Variants in LARP4 observed in about 807,000 individuals in gnomAD.
LARP4 encodes La ribonucleoprotein 4.
LARP4 carries 29 observed loss-of-function variants against 92.9 expected under a neutral mutation model. That is an observed-to-expected ratio of 0.31 (90% confidence interval 0.23 to 0.43). LARP4 has a LOEUF of 0.43. Ranked by LOEUF, LARP4 falls within the 20% of genes least tolerant of loss-of-function variation. LARP4 has a pLI of 1.00. For synonymous variants in LARP4, 279 were observed against 284.1 expected (o/e 0.98, Z 0.18); for missense variants, 732 against 860.0 (o/e 0.85, Z 1.86).
At chr12:50,432,367 G>A (rs1474184460) in intron 4 of LARP4, among the ~76,000 whole-genome samples, 2 of 152,094 alleles carry the variant, frequency 1.3e-5, no homozygotes, top group Non-Finnish European at 1.5e-5. Context: ...GCTAGGTCAG[G>A]GCTGAGCAAC....
intron 13 of LARP4, among the ~76,000 whole-genome samples, chr12:50,469,379 C>T (rs1230676835): frequency 1.3e-5 from 2 of 151,304 alleles, no homozygotes; most frequent in Non-Finnish European, 2.9e-5. Context: ...CCGAGGCAGG[C>T]AGATCACGAA....
At chr12:50,461,414 G>C in intron 11 of LARP4, 67 bp downstream of exon 11, 1 of 1,308,382 alleles carries the variant, frequency 7.6e-7, no homozygotes, top group South Asian at 1.3e-5. Context: ...TGAAGAACAT[G>C]ATCTTCATAA....
intron 3 of LARP4, 31 bp downstream of exon 3, chr12:50,429,121 G>A (rs1949248001): frequency 6.4e-7 from 1 of 1,561,562 alleles, no homozygotes; most frequent in African/African-American, 1.4e-5. Context: ...GTTAAAATGA[G>A]AATTCAGTAC....
intron 1 of LARP4, among the ~76,000 whole-genome samples, chr12:50,418,059 C>T (rs1947145015): frequency 2.0e-5 from 3 of 152,244 alleles, no homozygotes; most frequent in African/African-American, 7.2e-5. Flanking sequence ...CGGGGTTTCA[C>T]CACATTGGCC....
At chr12:50,447,680 G>T (rs1163884309) in intron 8 of LARP4, among the ~76,000 whole-genome samples, 2 of 151,944 alleles carry the variant, frequency 1.3e-5, no homozygotes, top group Non-Finnish European at 2.9e-5. Context: ...TGGGCTCAAG[G>T]GATCCTTCTG....
intron 8 of LARP4, among the ~76,000 whole-genome samples, chr12:50,445,043 G>A (rs1042798622): frequency 1.4e-5 from 2 of 139,792 alleles, no homozygotes; most frequent in Admixed American, 1.6e-4. Context: ...AACTACAGGT[G>A]CATGCCACCA....
In LARP4 at chr12:50,441,757, T is replaced by C. The variant is rs1222004106; in HGVS notation, c.804+114T>C. On this transcript the variant is annotated intron_variant, in intron 8 of 15. Transcript: ENST00000398473. The stretch of plus-strand genomic sequence containing the variant: ...AAACCCATAGTGACTTTCAAAAAGT[T>C]TCTGGCTTGGTCCAGGCGTGGTGGC... 45 of 919,476 alleles carry C rather than the reference T, an allele frequency of 4.9e-5. 1 individual carries two copies. The highest frequency in any genetic ancestry group is 7.5e-5 in the Non-Finnish European group (45 of 603,624). The allele number at this position is 919,476 out of a possible 1,614,324, so 57.0% of individuals were successfully genotyped here.
At chr12:50,449,690 T>C (rs1222206285) in intron 8 of LARP4, among the ~76,000 whole-genome samples, 4 of 152,182 alleles carry the variant, frequency 2.6e-5, no homozygotes, top group Middle Eastern at 3.2e-3. Flanking sequence ...ATTTTTCATT[T>C]ATTAGAAACT....
At chr12:50,425,704 G>C (rs995531234) in intron 1 of LARP4, among the ~76,000 whole-genome samples, 5 of 152,122 alleles carry the variant, frequency 3.3e-5, no homozygotes, top group African/African-American at 1.2e-4. Flanking sequence ...GTGGACCCCA[G>C]CTTTGCCTGC....
chr12:50,419,740 TACAAAA>T (rs1253667203), intron 1 of LARP4, among the ~76,000 whole-genome samples: 3 of 151,950 alleles, frequency 2.0e-5, no homozygotes, highest in Non-Finnish European at 4.4e-5. Flanking sequence ...ACCCCATCTC[TACAAAA>T]ACAAAAACAA....
chr12:50,458,062 A>G (rs1954647722), intron 10 of LARP4, among the ~76,000 whole-genome samples: 1 of 151,000 alleles, frequency 6.6e-6, no homozygotes, highest in Admixed American at 6.6e-5. Context: ...CCTTCCTAGT[A>G]GCTGGGACTA....
rs1395138801 is a variant in LARP4, at chr12:50,402,673, A to G, written c.18+1645A>G. 5 of 421,058 alleles carry G rather than the reference A, an allele frequency of 1.2e-5. 1 individual carries two copies. Among genetic ancestry groups the G allele is most frequent in the South Asian group, 6.8e-5 (4 of 58,428 alleles). The allele number at this position is 421,058 out of a possible 1,614,324, so 26.1% of individuals were successfully genotyped here. A position where few individuals can be genotyped will look rare whatever the true frequency, so the allele number is the denominator to read the frequency against. The stretch of plus-strand genomic sequence containing the variant: ...TAAAGCGATACTTAATATGTTTTAC[A>G]GATGACAAAACCGAGCCCCAGAGGT... On this transcript the variant is annotated intron_variant, in intron 1 of 15. Coordinates refer to ENST00000398473, the MANE Select transcript of LARP4 (RefSeq NM_052879.5).
At chr12:50,449,359 AAT>A (rs1952740274) in intron 8 of LARP4, among the ~76,000 whole-genome samples, 1 of 152,042 alleles carries the variant, frequency 6.6e-6, no homozygotes. Context: ...TGTTTCTTGG[AAT>A]ATAGATTTTG....
intron 1 of LARP4, among the ~76,000 whole-genome samples, chr12:50,408,641 G>A (rs529698866): frequency 6.6e-6 from 1 of 152,158 alleles, no homozygotes; most frequent in African/African-American, 2.4e-5. Flanking sequence ...CTGCTATTTT[G>A]CCCTGGAAGG....
chr12:50,414,294 TTTG>T (rs573686302), intron 1 of LARP4, among the ~76,000 whole-genome samples: 12 of 152,012 alleles, frequency 7.9e-5, no homozygotes, highest in African/African-American at 1.7e-4. Context: ...TTTTCTGGGT[TTTG>T]TTGTTGTTGT....
chr12:50,455,413 C>T (rs569387112), intron 10 of LARP4, among the ~76,000 whole-genome samples: 18 of 152,194 alleles, frequency 1.2e-4, no homozygotes, highest in African/African-American at 2.9e-4. Context: ...ATAGTCATTT[C>T]GATTTATTTA....
chr12:50,470,237 A>G (rs890547311), intron 13 of LARP4, among the ~76,000 whole-genome samples: 2 of 151,634 alleles, frequency 1.3e-5, no homozygotes, highest in African/African-American at 4.9e-5. Flanking sequence ...AAAAAAGACT[A>G]TCTTTAATCA....
chr12:50,440,347 G>A, intron 6 of LARP4, 92 bp from the exon 7 acceptor site: 3 of 865,258 alleles, frequency 3.5e-6, no homozygotes, highest in South Asian at 3.0e-5. Context: ...AAGACATGAA[G>A]ATAGGCTTAA....
chr12:50,453,004 G>T (rs538521086), intron 8 of LARP4, among the ~76,000 whole-genome samples: 2 of 151,972 alleles, frequency 1.3e-5, no homozygotes, highest in East Asian at 3.9e-4. Context: ...CCAGCTCCTT[G>T]GCTCAAGCAG....
Sources: gnomAD v4.1 joint callset for allele counts (sites outside exome capture counted in the v4.1 genomes callset) on GRCh38, gnomAD v4.1.1 for gene constraint, MANE v1.5 for transcripts, NCBI Gene and HGNC (gene_info 2026-07-23, HGNC 2026-07-21) for gene names.